RPAP3: variants seen among roughly 807,000 people sequenced by gnomAD.
The protein encoded by RPAP3 is RNA polymerase II associated protein 3, also known as RNA polymerase II-associated protein 3.
RPAP3 carries 58 observed loss-of-function variants against 88.8 expected under a neutral mutation model. That is an observed-to-expected ratio of 0.65 (90% CI 0.53 to 0.81). The LOEUF (loss-of-function observed/expected upper bound fraction) is 0.81. Ranked by LOEUF, RPAP3 falls within the 40% of genes least tolerant of loss-of-function variation. RPAP3 has a pLI of 0.00. For missense variants in RPAP3, 751 were observed against 764.3 expected, an observed-to-expected ratio of 0.98 and a Z score of 0.20; for synonymous variants, 255 against 259.9, an observed-to-expected ratio of 0.98 and a Z score of 0.18.
chr12:47,688,004 A>G lies in RPAP3; in HGVS notation c.739-3T>C. 1 of 1,606,340 alleles carries G rather than the reference A, an allele frequency of 6.2e-7. No individual in the cohort carries two copies. Among genetic ancestry groups the G allele is most frequent in the South Asian group, 1.1e-5 (1 of 90,162 alleles). On this transcript the variant is annotated splice_region_variant and splice_polypyrimidine_tract_variant and intron_variant, in intron 7 of 16. Transcript: ENST00000005386. ...GAGTTTTCTTTGGATGCTAAAGCCT[A>G]GGAGACATAGCAGTCAGCTAAAATA...
intron 6 of RPAP3, 64 bp from the exon 7 acceptor site, chr12:47,689,259 A>G (rs1036590882): frequency 3.0e-6 from 2 of 673,358 alleles, no homozygotes; most frequent in Non-Finnish European, 5.0e-6. Flanking sequence ...CATGTACAAA[A>G]CAATCTTTTG....
chr12:47,702,563 A>G (rs1939676606), intron 2 of RPAP3, 125 bp downstream of exon 2: 2 of 837,708 alleles, frequency 2.4e-6, no homozygotes, highest in Non-Finnish European at 3.5e-6. Context: ...AAAAAAAAAG[A>G]AAAGAAAATT....
At chr12:47,671,344 A>G (rs1055194782) in intron 12 of RPAP3, among the ~76,000 whole-genome samples, 1 of 152,208 alleles carries the variant, frequency 6.6e-6, no homozygotes, top group African/African-American at 2.4e-5. Flanking sequence ...AATTTGTTTT[A>G]GCTTTAGAAA....
chr12:47,671,620 A>G (rs1002571919), intron 12 of RPAP3, among the ~76,000 whole-genome samples: 12 of 152,244 alleles, frequency 7.9e-5, no homozygotes, highest in Non-Finnish European at 1.5e-4. Context: ...AAGAATAATC[A>G]TATTAAGTTA....
At position 47,701,462 on chromosome 12, in the gene RPAP3, A is replaced by G; in HGVS notation, c.294+2T>C. Reference sequence around the variant, plus strand: ...AAGAAGCAAATGACTAGATTAACTTACCACATCAAGTTTTGCCCATGCCTC... The same window carrying G: ...AAGAAGCAAATGACTAGATTAACTTGCCACATCAAGTTTTGCCCATGCCTC... On this transcript the variant is annotated splice_donor_variant, in intron 3 of 16. Transcript: ENST00000005386. LOFTEE classifies it high-confidence loss of function. The G allele has an allele frequency of 6.4e-7, 1 of 1,558,584 alleles. No individual in the cohort carries two copies. Among genetic ancestry groups the G allele is most frequent in the Non-Finnish European group, 8.6e-7 (1 of 1,158,358 alleles).
chr12:47,671,409 G>A (rs1938995002), intron 12 of RPAP3, among the ~76,000 whole-genome samples: 1 of 152,108 alleles, frequency 6.6e-6, no homozygotes, highest in South Asian at 2.1e-4. Flanking sequence ...CTACATAGTT[G>A]AATTATAAAT....
At chr12:47,686,948 T>A in intron 8 of RPAP3, 41 bp from the exon 9 acceptor site, 3 of 1,276,622 alleles carry the variant, frequency 2.3e-6, no homozygotes, top group Non-Finnish European at 1.1e-6. Flanking sequence ...AAAAAAAAAT[T>A]TCAAAAAAAA....
chr12:47,705,192 G>A (rs1028960682), intron 1 of RPAP3, among the ~76,000 whole-genome samples: 13 of 152,150 alleles, frequency 8.5e-5, no homozygotes, highest in Admixed American at 8.5e-4. Context: ...GCGGAGGGAA[G>A]AGAAGTAAGG....
chr12:47,685,407 A>G (rs968437490), intron 9 of RPAP3, among the ~76,000 whole-genome samples: 8 of 151,710 alleles, frequency 5.3e-5, no homozygotes, highest in Admixed American at 2.6e-4. Flanking sequence ...AGATATTTCC[A>G]TATCACATTA....
chr12:47,669,841 G>A (rs1248238347), intron 13 of RPAP3, among the ~76,000 whole-genome samples: 2 of 151,794 alleles, frequency 1.3e-5, no homozygotes, highest in South Asian at 2.1e-4. Flanking sequence ...TGAAATCCTA[G>A]AAATGAAAAT....
chr12:47,697,789 TA>T, intron 3 of RPAP3, 70 bp from the exon 4 acceptor site: 6 of 1,372,288 alleles, frequency 4.4e-6, no homozygotes, highest in Admixed American at 2.4e-5. Flanking sequence ...AAAGACATAC[TA>T]AAAAAATACA....
chr12:47,669,752 A>G (rs1938957400), intron 13 of RPAP3, among the ~76,000 whole-genome samples: 1 of 152,204 alleles, frequency 6.6e-6, no homozygotes, highest in Admixed American at 6.5e-5. Context: ...TGGATGAAAT[A>G]ATGGCAATCC....
chr12:47,702,721 C>T lies in RPAP3; in HGVS notation c.120G>A (p.Met40Ile), dbSNP rs1939679196. 1 of 1,610,942 alleles carries T rather than the reference C, an allele frequency of 6.2e-7. No individual in the cohort carries two copies. The highest frequency in any genetic ancestry group is 8.5e-7 in the Non-Finnish European group (1 of 1,178,280). Residue 40 changes from methionine to isoleucine, a missense_variant, in exon 2 of 17, where the codon ATG (methionine) becomes ATA (isoleucine). By Grantham distance (10) the Met-to-Ile change is conservative. Coordinates refer to ENST00000005386, the MANE Select transcript of RPAP3 (RefSeq NM_024604.3). ...NWEKDIKQKD[M>I]ELRRQNGVPE... ...GAACACCATTCTGTCTTCTTAGTTC[C>T]ATATCCTTTTGTTTAATGTCTTTTT...
intron 16 of RPAP3, among the ~76,000 whole-genome samples, chr12:47,666,543 A>G (rs556492358): frequency 6.6e-6 from 1 of 152,198 alleles, no homozygotes; most frequent in Non-Finnish European, 1.5e-5. Context: ...TCGCCCAGTT[A>G]CATGGTCCTG....
intron 9 of RPAP3, among the ~76,000 whole-genome samples, chr12:47,686,507 CT>C (rs2136629476): frequency 6.7e-6 from 1 of 149,888 alleles, no homozygotes; most frequent in East Asian, 2.0e-4. Flanking sequence ...GTGCCTGGAA[CT>C]ATGTATACCA....
chr12:47,691,892 C>T (rs2136635588), intron 5 of RPAP3, among the ~76,000 whole-genome samples: 1 of 152,190 alleles, frequency 6.6e-6, no homozygotes, highest in Middle Eastern at 3.4e-3. Context: ...ACTACAGGTG[C>T]CCGCCACCAC....
intron 12 of RPAP3, among the ~76,000 whole-genome samples, chr12:47,677,406 G>A (rs1230007121): frequency 6.6e-6 from 1 of 152,116 alleles, no homozygotes; most frequent in Non-Finnish European, 1.5e-5. Context: ...AATCAGGCAA[G>A]AGAAAGAAAT....
intron 5 of RPAP3, among the ~76,000 whole-genome samples, chr12:47,693,591 A>T (rs1215573589): frequency 1.3e-5 from 2 of 152,254 alleles, no homozygotes; most frequent in Admixed American, 1.3e-4. Context: ...AGGTATGCCT[A>T]TAATTCCTAA....
At chr12:47,682,518 C>G (rs535867223) in intron 9 of RPAP3, among the ~76,000 whole-genome samples, 1 of 152,076 alleles carries the variant, frequency 6.6e-6, no homozygotes, top group African/African-American at 2.4e-5. Context: ...CTTTCTTTAG[C>G]AATAAACGTC....
Sources: allele counts gnomAD v4.1 joint callset (sites outside exome capture counted in the v4.1 genomes callset), GRCh38; gene constraint gnomAD v4.1.1; transcripts MANE v1.5; gene names NCBI Gene and HGNC (gene_info 2026-07-23, HGNC 2026-07-21).